The following IL1RAPL1 variants were observed in gnomAD, a reference collection of about 807,000 sequenced individuals.
The protein encoded by IL1RAPL1 is interleukin 1 receptor accessory protein like 1.
A neutral mutation model predicts 48.4 loss-of-function variants in IL1RAPL1; 3 were observed. That is an observed-to-expected ratio of 0.06 (90% CI 0.03 to 0.16). The LOEUF is 0.16. Among genes scored for constraint, IL1RAPL1 ranks in the 10% least tolerant of loss-of-function variants. The probability of loss-of-function intolerance (pLI) is 1.00; values close to 1 mark genes in which losing one functional copy is unlikely to be tolerated. For missense variants in IL1RAPL1, 349 were observed against 530.6 expected (o/e 0.66, Z 3.36); for synonymous variants, 185 against 187.7 (o/e 0.99, Z 0.12).
intron 6 of IL1RAPL1, among the ~76,000 whole-genome samples, chrX:29,808,680 T>C (rs1930309729): frequency 8.9e-6 from 1 of 111,798 alleles, no homozygotes; most frequent in South Asian, 3.7e-4. Flanking sequence ...TCTCTTCATA[T>C]TCTGTCAAAT....
chrX:29,182,322 A>G (rs906681984), intron 2 of IL1RAPL1, among the ~76,000 whole-genome samples: 2 of 112,165 alleles, frequency 1.8e-5, no homozygotes, highest in African/African-American at 6.5e-5. Context: ...AAAGGAAAAA[A>G]TAAGTTTTGT....
chrX:29,632,598 T>A (rs754643086), intron 5 of IL1RAPL1, among the ~76,000 whole-genome samples: 1 of 111,979 alleles, frequency 8.9e-6, no homozygotes, highest in Non-Finnish European at 1.9e-5. Flanking sequence ...GATACTGAAG[T>A]CCAATGAATC....
intron 5 of IL1RAPL1, among the ~76,000 whole-genome samples, chrX:29,620,935 C>T (rs926727403): frequency 5.4e-5 from 6 of 111,927 alleles, no homozygotes; most frequent in Admixed American, 1.9e-4. Context: ...TTTTCTATAT[C>T]GCTGGAACTC....
chrX:29,823,061 A>C lies in IL1RAPL1; in HGVS notation c.779-94403A>C, dbSNP rs142623910. 6.1e-3 allele frequency among the ~76,000 whole-genome samples: 681 copies of C among 112,104 alleles called. 7 individuals carry two copies. Among genetic ancestry groups the C allele is most frequent in the African/African-American group, 0.021 (639 of 30,893 alleles). On this transcript the variant is annotated intron_variant, in intron 6 of 10. Transcript: ENST00000378993. The stretch of plus-strand genomic sequence containing the variant: ...ATAGTCTCCAATGTAAAGGAAATAA[A>C]CTTGGGAAGATTGTGCATGTTCTTG...
intron 4 of IL1RAPL1, 123 bp from the exon 5 acceptor site, chrX:29,399,032 T>C: frequency 2.0e-6 from 1 of 489,897 alleles, no homozygotes; most frequent in South Asian, 3.6e-5. Context: ...TATTTAGCAT[T>C]AGTTTCAAAC....
chrX:29,553,727 C>T (rs931729989), intron 5 of IL1RAPL1, among the ~76,000 whole-genome samples: 1 of 110,953 alleles, frequency 9.0e-6, no homozygotes, highest in Non-Finnish European at 1.9e-5. Flanking sequence ...CTCATCCTGT[C>T]CCCCTGCCAG....
rs746648588 is a variant in IL1RAPL1 at position 28,931,903 on chromosome X, G to A, written c.82+142478G>A. On this transcript the variant is annotated intron_variant, in intron 2 of 10. Coordinates refer to ENST00000378993, the MANE Select transcript of IL1RAPL1 (RefSeq NM_014271.4). ...ATACAAAAAAAAAAATTAGCTGGGCGTGGTGGTGGGCACCTGTAGTCCCAG... is the reference window on the plus strand; with the variant it reads ...ATACAAAAAAAAAAATTAGCTGGGCATGGTGGTGGGCACCTGTAGTCCCAG... Among the ~76,000 whole-genome samples, 29 of 108,452 alleles carry A rather than the reference G, an allele frequency of 2.7e-4. No individual in the cohort carries two copies. In the South Asian group the frequency reaches 0.01, roughly 38 times the overall value. The allele number at this position is 108,452 out of a possible 115,157, so 94.2% of individuals were successfully genotyped here. A position where few individuals can be genotyped will look rare whatever the true frequency, so the allele number is the denominator to read the frequency against.
intron 2 of IL1RAPL1, among the ~76,000 whole-genome samples, chrX:28,981,770 G>A (rs2147375263): frequency 9.0e-6 from 1 of 111,574 alleles, no homozygotes; most frequent in African/African-American, 3.3e-5. Context: ...GTTAGGAGAA[G>A]GACTGAAGAG....
At chrX:29,739,963 G>A (rs2147134764) in intron 6 of IL1RAPL1, among the ~76,000 whole-genome samples, 1 of 108,904 alleles carries the variant, frequency 9.2e-6, no homozygotes, top group African/African-American at 3.3e-5. Flanking sequence ...GGGAGGCTGA[G>A]GCAGGAGAAT....
intron 9 of IL1RAPL1, among the ~76,000 whole-genome samples, chrX:29,950,066 G>C (rs1321591762): frequency 2.7e-5 from 3 of 111,820 alleles, no homozygotes; most frequent in African/African-American, 9.8e-5. Context: ...CCATTGGTTT[G>C]AGGATGGTGC....
At chrX:29,899,545 A>T (rs2147225575) in intron 6 of IL1RAPL1, among the ~76,000 whole-genome samples, 1 of 99,510 alleles carries the variant, frequency 1.0e-5, no homozygotes, top group South Asian at 4.5e-4. Flanking sequence ...ACAGTGAATA[A>T]TTTTTTTTTT....
chrX:29,691,203 G>A (rs1339039746), intron 6 of IL1RAPL1, among the ~76,000 whole-genome samples: 1 of 110,868 alleles, frequency 9.0e-6, no homozygotes, highest in Non-Finnish European at 1.9e-5. Flanking sequence ...GTGTTTGAGG[G>A]ACTTCCATTT....
chrX:29,528,250 G>A (rs909986565), intron 5 of IL1RAPL1, among the ~76,000 whole-genome samples: 4 of 112,342 alleles, frequency 3.6e-5, no homozygotes, highest in African/African-American at 9.7e-5. Context: ...TGGAAACTAC[G>A]TAATAGTCAA....
chrX:28,759,124 G>C (rs1373016124), intron 1 of IL1RAPL1, among the ~76,000 whole-genome samples: 2 of 110,862 alleles, frequency 1.8e-5, no homozygotes, highest in African/African-American at 6.6e-5. Flanking sequence ...TGTAATCCCA[G>C]CTACTCAGGA....
intron 1 of IL1RAPL1, among the ~76,000 whole-genome samples, chrX:28,682,837 T>C (rs1935076623): frequency 1.8e-5 from 2 of 112,251 alleles, no homozygotes; most frequent in Non-Finnish European, 3.8e-5. Flanking sequence ...AGACTCCTGT[T>C]AAAACTGTTA....
chrX:29,875,162 G>C (rs1174644399), intron 6 of IL1RAPL1, among the ~76,000 whole-genome samples: 1 of 111,400 alleles, frequency 9.0e-6, no homozygotes, highest in Non-Finnish European at 1.9e-5. Flanking sequence ...TCAGTGATGC[G>C]AGTCAGTTCT....
At chrX:28,951,330 T>C (rs1228729904) in intron 2 of IL1RAPL1, among the ~76,000 whole-genome samples, 2 of 108,211 alleles carry the variant, frequency 1.8e-5, no homozygotes, top group Non-Finnish European at 3.8e-5. Flanking sequence ...TATAGACTTG[T>C]AGAAGCATAA....
chrX:29,160,781 G>A (rs930638657), intron 2 of IL1RAPL1, among the ~76,000 whole-genome samples: 4 of 112,339 alleles, frequency 3.6e-5, no homozygotes, highest in Non-Finnish European at 7.5e-5. Context: ...GGGCCGGGTT[G>A]GGTGGCTCAT....
chrX:29,495,708 G>A (rs1417434086), intron 5 of IL1RAPL1, among the ~76,000 whole-genome samples: 2 of 111,591 alleles, frequency 1.8e-5, no homozygotes, highest in Non-Finnish European at 3.8e-5. Flanking sequence ...TAGAGCCCTC[G>A]GCCAGGTTCT....
Sources: gnomAD v4.1 joint callset for allele counts (sites outside exome capture counted in the v4.1 genomes callset) on GRCh38, gnomAD v4.1.1 for gene constraint, MANE v1.5 for transcripts, NCBI Gene and HGNC (gene_info 2026-07-23, HGNC 2026-07-21) for gene names.